LARGE1: variants seen among roughly 807,000 people sequenced by gnomAD.
LARGE1 encodes xylosyl- and glucuronyltransferase LARGE1.
In LARGE1, 43 loss-of-function variants were observed where a neutral mutation model predicts 87.6. The observed-to-expected ratio is 0.49, with a 90% CI of 0.38 to 0.63. The LOEUF (loss-of-function observed/expected upper bound fraction) is 0.63, where lower values mean the gene tolerates loss of function less well. LARGE1 is among the 30% of genes least tolerant of loss of function. The pLI is 0.00. For synonymous variants in LARGE1, 434 were observed against 394.6 expected (o/e 1.10, Z -1.18); for missense variants, 802 against 1,000.2 (o/e 0.80, Z 2.67).
chr22:33,556,050 A>C (rs566144085), intron 6 of LARGE1, among the ~76,000 whole-genome samples: 32 of 152,116 alleles, frequency 2.1e-4, no homozygotes, highest in Non-Finnish European at 4.0e-4. Context: ...GTGAGACCAG[A>C]GGCCAATGCA....
chr22:33,696,263 C>CT (rs150714476), intron 2 of LARGE1, among the ~76,000 whole-genome samples: 625 of 61,640 alleles, frequency 0.01, 8 homozygotes, highest in African/African-American at 0.04. Context: ...TTCTTTCTTT[C>CT]TTTTTTTTTT....
At chr22:33,395,361 A>T (rs1339605359) in intron 7 of LARGE1, among the ~76,000 whole-genome samples, 1 of 152,126 alleles carries the variant, frequency 6.6e-6, no homozygotes, top group Non-Finnish European at 1.5e-5. Context: ...GGAGCCAATA[A>T]ATATTCAACT....
the LARGE1 span, among the ~76,000 whole-genome samples, chr22:33,080,485 G>A: frequency 1.3e-5 from 2 of 152,304 alleles, no homozygotes; most frequent in South Asian, 4.1e-4. Flanking sequence ...GAACAGGAAA[G>A]GGCAAATCTC....
the LARGE1 span, among the ~76,000 whole-genome samples, chr22:33,154,594 C>T: frequency 6.6e-6 from 1 of 152,182 alleles, no homozygotes; most frequent in Non-Finnish European, 1.5e-5. Context: ...TGTGACTACG[C>T]TTTCTCTGAG....
At chr22:33,671,717 G>GT (rs1407884574) in intron 2 of LARGE1, among the ~76,000 whole-genome samples, 1 of 152,140 alleles carries the variant, frequency 6.6e-6, no homozygotes, top group Non-Finnish European at 1.5e-5. Flanking sequence ...CTTAAGCATC[G>GT]TTTAAGATTT....
rs67419753 is a variant in LARGE1, at chr22:33,676,004, CTTTTT to C, written c.107-25341_107-25337del. Among the ~76,000 whole-genome samples, 114 of 148,748 alleles carry C rather than the reference CTTTTT, an allele frequency of 7.7e-4. 1 individual carries two copies. The East Asian group carries it at 0.017, about 22-fold the overall frequency. On this transcript the variant is annotated intron_variant, in intron 2 of 14. Transcript: ENST00000397394. ...ACCTCTTATAAAGCCTGGAGGTTTTCTTTTTTTTTTTAAGTACTTATTTAAATTCT... is the reference window on the plus strand; with the variant it reads ...ACCTCTTATAAAGCCTGGAGGTTTTCTTTTTTAAGTACTTATTTAAATTCT...
At chr22:33,629,724 A>G (rs2080042789) in intron 3 of LARGE1, among the ~76,000 whole-genome samples, 1 of 152,220 alleles carries the variant, frequency 6.6e-6, no homozygotes, top group Admixed American at 6.5e-5. Context: ...TATTAAGTTC[A>G]GTTTTTAAGT....
At chr22:33,533,075 C>G (rs1172250636) in intron 6 of LARGE1, among the ~76,000 whole-genome samples, 1 of 152,092 alleles carries the variant, frequency 6.6e-6, no homozygotes, top group Non-Finnish European at 1.5e-5. Context: ...TACTGCAGGG[C>G]CCATGTTAAA....
At chr22:33,623,378 G>C (rs2079816557) in intron 4 of LARGE1, among the ~76,000 whole-genome samples, 1 of 152,082 alleles carries the variant, frequency 6.6e-6, no homozygotes, top group Admixed American at 6.6e-5. Context: ...GCCCCATTTG[G>C]CCATTCTTTC....
chr22:33,177,928 G>A (rs372569994), intron 11 of LARGE1, among the ~76,000 whole-genome samples: 1 of 152,156 alleles, frequency 6.6e-6, no homozygotes, highest in African/African-American at 2.4e-5. Context: ...TGCTTGAAAA[G>A]TGTGTGGCTC....
Position 33,345,771 on chromosome 22 carries a change from A to C in LARGE1, c.1132-7970T>G, listed in dbSNP as rs146500767. Among the ~76,000 whole-genome samples, 281 of 152,348 alleles carry C rather than the reference A, an allele frequency of 1.8e-3. 1 individual carries two copies. Among genetic ancestry groups the C allele is most frequent in the African/African-American group, 6.5e-3 (269 of 41,582 alleles). On this transcript the variant is annotated intron_variant, in intron 9 of 14. Coordinates refer to ENST00000397394, the MANE Select transcript of LARGE1 (RefSeq NM_133642.5). ...CTATCACCCATCAAGGGCACAGAAG[A>C]AAGCAGTTCAAAGGCAGAAACAAGA... is the stretch of plus-strand genomic sequence containing the variant.
intron 1 of LARGE1, among the ~76,000 whole-genome samples, chr22:33,916,663 ACCC>A (rs1189270794): frequency 6.6e-6 from 1 of 151,868 alleles, no homozygotes; most frequent in Non-Finnish European, 1.5e-5. Flanking sequence ...TATATCCCCC[ACCC>A]CCAATGCAGT....
chr22:33,746,088 G>A (rs1236022281), intron 2 of LARGE1, among the ~76,000 whole-genome samples: 2 of 152,138 alleles, frequency 1.3e-5, no homozygotes, highest in African/African-American at 2.4e-5. Context: ...ATATCAGCAC[G>A]AAAATTAGTC....
At chr22:33,677,661 G>A (rs1388834418) in intron 2 of LARGE1, among the ~76,000 whole-genome samples, 1 of 152,122 alleles carries the variant, frequency 6.6e-6, no homozygotes, top group African/African-American at 2.4e-5. Flanking sequence ...TCTACCAGCT[G>A]ATAAATTCTT....
intron 9 of LARGE1, among the ~76,000 whole-genome samples, chr22:33,361,167 G>A (rs932161415): frequency 6.7e-6 from 1 of 148,804 alleles, no homozygotes; most frequent in Non-Finnish European, 1.5e-5. Context: ...CCGAGAATGC[G>A]CCATTGCACT....
intron 11 of LARGE1, among the ~76,000 whole-genome samples, chr22:33,185,684 A>T (rs561045389): frequency 6.6e-6 from 1 of 152,106 alleles, no homozygotes; most frequent in African/African-American, 2.4e-5. Context: ...CTGTAATTCC[A>T]CTCAATGTTG....
Position 33,388,068 on chromosome 22 carries a change from C to T in LARGE1, c.893-3764G>A, listed in dbSNP as rs1041484920. On this transcript the variant is annotated intron_variant, in intron 7 of 14. Transcript: ENST00000397394. Reference sequence around the variant, plus strand: ...GGTATTTTTAGTGTGTTTTGGATTGCGTATTTCCTATTCTAACTTGCCTTT... The same window carrying T: ...GGTATTTTTAGTGTGTTTTGGATTGTGTATTTCCTATTCTAACTTGCCTTT... 3.9e-5 allele frequency among the ~76,000 whole-genome samples: 6 copies of T among 152,192 alleles called. No homozygotes were observed. In the East Asian group the frequency reaches 5.8e-4, roughly 15 times the overall value.
chr22:33,141,667 TG>T, the LARGE1 span, among the ~76,000 whole-genome samples: 6 of 152,192 alleles, frequency 3.9e-5, no homozygotes, highest in Non-Finnish European at 8.8e-5. Flanking sequence ...GTACATAAAC[TG>T]AGGTTGTTCC....
intron 11 of LARGE1, among the ~76,000 whole-genome samples, chr22:33,192,948 G>A (rs753067266): frequency 1.7e-4 from 26 of 152,000 alleles, no homozygotes; most frequent in Non-Finnish European, 1.9e-4. Flanking sequence ...GTGTGTTCTT[G>A]GTATCTTTGT....
Sources: allele counts gnomAD v4.1 joint callset (sites outside exome capture counted in the v4.1 genomes callset), GRCh38; gene constraint gnomAD v4.1.1; transcripts MANE v1.5; gene names NCBI Gene and HGNC (gene_info 2026-07-23, HGNC 2026-07-21).